The following TAT variants were observed in gnomAD, a reference collection of about 807,000 sequenced individuals.
The protein encoded by TAT is L-tyrosine:2-oxoglutarate aminotransferase.
TAT carries 35 observed loss-of-function variants against 53.6 expected under a neutral mutation model. The observed-to-expected ratio is 0.65, with a 90% CI of 0.50 to 0.87. The LOEUF is 0.87. Ranked by LOEUF, TAT falls within the 40% of genes least tolerant of loss-of-function variation. The pLI, the probability that TAT is intolerant of heterozygous loss-of-function variation, is 0.00. For missense variants in TAT, 525 were observed against 571.8 expected, an observed-to-expected ratio of 0.92 and a Z score of 0.83; for synonymous variants, 197 against 206.5, an observed-to-expected ratio of 0.95 and a Z score of 0.39.
chr16:71,574,368 G>T (rs1388206498), intron 3 of TAT, among the ~76,000 whole-genome samples: 1 of 152,010 alleles, frequency 6.6e-6, no homozygotes, highest in Non-Finnish European at 1.5e-5. Flanking sequence ...ATCACCTGAG[G>T]TCGGGAGATT....
intron 6 of TAT, 170 bp downstream of exon 6, chr16:71,572,016 T>G: frequency 1.2e-6 from 1 of 809,044 alleles, no homozygotes; most frequent in Non-Finnish European, 2.0e-6. Flanking sequence ...TTTTCTTCTT[T>G]TAGGCCAGGC....
chr16:71,567,865 T>C lies in TAT; in HGVS notation c.*279A>G. 1 of 441,274 alleles carries C rather than the reference T, an allele frequency of 2.3e-6. No individual in the cohort carries two copies. The highest frequency in any genetic ancestry group is 4.2e-6 in the Non-Finnish European group (1 of 238,634). 27.3% of individuals were successfully genotyped at this position (441,274 alleles called of 1,614,324 possible). A position where few individuals can be genotyped will look rare whatever the true frequency, so the allele number is the denominator to read the frequency against. On this transcript the variant is annotated 3_prime_UTR_variant, in exon 12 of 12. Transcript: ENST00000355962. ...TGGTAAACTTTGTTCACCTGGTACT[T>C]TCAAGAAAAAAAGAAGGAAATCTTA...
At chr16:71,572,858 A>G (rs2044212456) in intron 4 of TAT, among the ~76,000 whole-genome samples, 170 bp from the exon 5 acceptor site, 1 of 152,246 alleles carries the variant, frequency 6.6e-6, no homozygotes, top group South Asian at 2.1e-4. Flanking sequence ...GTTGATAACT[A>G]TTGTTGAAAT....
At chr16:71,572,955 T>C (rs2044213354) in intron 4 of TAT, among the ~76,000 whole-genome samples, 1 of 152,248 alleles carries the variant, frequency 6.6e-6, no homozygotes, top group African/African-American at 2.4e-5. Flanking sequence ...TTGGACCTTT[T>C]TCGCTTGGTT....
At chr16:71,572,020 G>T in intron 6 of TAT, 166 bp downstream of exon 6, 1 of 836,698 alleles carries the variant, frequency 1.2e-6, no homozygotes, top group Non-Finnish European at 1.9e-6. Context: ...CTTCTTTTAG[G>T]CCAGGCCTAC....
At position 71,568,118 on chromosome 16, in the gene TAT, A is replaced by G. The variant is rs186696190; in HGVS notation, c.*26T>C. On this transcript the variant is annotated 3_prime_UTR_variant, in exon 12 of 12. Coordinates refer to ENST00000355962, the MANE Select transcript of TAT (RefSeq NM_000353.3). Reference sequence around the variant, plus strand: ...TAGTCCAGCCTTCCCTAGATGGGACACATCCTCAGGAGAATGGATGCAGGC... The same window carrying G: ...TAGTCCAGCCTTCCCTAGATGGGACGCATCCTCAGGAGAATGGATGCAGGC... 16 of 1,614,162 alleles carry G rather than the reference A, an allele frequency of 9.9e-6. No homozygotes were observed. The East Asian group carries it at 3.3e-4, about 34-fold the overall frequency.
At position 71,570,264 on chromosome 16, in the gene TAT, C is replaced by A; in HGVS notation, c.1041+5G>T. Reference sequence around the variant, plus strand: ...CCCAAAGTGGAGGGCAGGAGCTGCCCTTACCTTGAGGAAGCTCAGAGTGTT... The same window carrying A: ...CCCAAAGTGGAGGGCAGGAGCTGCCATTACCTTGAGGAAGCTCAGAGTGTT... On this transcript the variant is annotated splice_donor_5th_base_variant and intron_variant, in intron 9 of 11. Coordinates refer to ENST00000355962, the MANE Select transcript of TAT (RefSeq NM_000353.3). 6.2e-7 allele frequency: 1 copy of A among 1,614,164 alleles called. No homozygotes were observed. The highest frequency in any genetic ancestry group is 1.1e-5 in the South Asian group (1 of 91,074).
chr16:71,576,020 G>A lies in TAT; in HGVS notation c.242C>T (p.Pro81Leu). The A allele has an allele frequency of 1.2e-6, 2 of 1,614,076 alleles. No individual in the cohort carries two copies. Among genetic ancestry groups the A allele is most frequent in the Non-Finnish European group, 1.7e-6 (2 of 1,180,000 alleles). Reference sequence around the variant, plus strand: ...TGTAGGCAGGTTTCCAAACACAGTAGGGTCCCCTTTTTATGGGAGGAAAAC... The same window carrying A: ...TGTAGGCAGGTTTCCAAACACAGTAAGGTCCCCTTTTTATGGGAGGAAAAC... ...KTMISLSIGDPTVFGNLPTDP... is the reference protein window; with the variant it reads ...KTMISLSIGDLTVFGNLPTDP... Residue 81 changes from proline to leucine, a missense_variant, in exon 3 of 12, where the codon CCT (proline) becomes CTT (leucine). Coordinates refer to ENST00000355962, the MANE Select transcript of TAT (RefSeq NM_000353.3).
At chr16:71,573,857 T>G (rs564221087) in intron 3 of TAT, among the ~76,000 whole-genome samples, 44 of 152,194 alleles carry the variant, frequency 2.9e-4, no homozygotes, top group Admixed American at 2.5e-3. Flanking sequence ...TTGTTTGTTT[T>G]TTTTGTAGAG....
rs1260684316 is a variant in TAT at position 71,567,887 on chromosome 16, C to G, written c.*257G>C. 1.2e-5 allele frequency: 6 copies of G among 490,852 alleles called. No individual in the cohort carries two copies. The highest frequency in any genetic ancestry group is 1.9e-5 in the African/African-American group (1 of 51,532). 30.4% of individuals were successfully genotyped at this position (490,852 alleles called of 1,614,324 possible). ...ACTTTCAAGAAAAAAAGAAGGAAAT[C>G]TTACGAGAGGGAGGCAGATTAATGA... On this transcript the variant is annotated 3_prime_UTR_variant, in exon 12 of 12. Coordinates refer to ENST00000355962, the MANE Select transcript of TAT (RefSeq NM_000353.3).
Position 71,566,064 on chromosome 16 carries a change from C to T in TAT, c.*2080G>A, listed in dbSNP as rs1013955423. On this transcript the variant is annotated 3_prime_UTR_variant, in exon 12 of 12. Coordinates refer to ENST00000355962, the MANE Select transcript of TAT (RefSeq NM_000353.3). ...ATTTCTGGTTAGAGATCTTTGGGGG[C>T]TTGGATGGAGGAACAGGAAAAGAGG... The T allele has an allele frequency of 6.6e-6, 1 of 151,992 alleles. No individual in the cohort carries two copies. The highest frequency in any genetic ancestry group is 2.4e-5 in the African/African-American group (1 of 41,364). The allele number at this position is 151,992 out of a possible 1,614,324, so 9.4% of individuals were successfully genotyped here.
Position 71,576,348 on chromosome 16 carries a change from T to C in TAT, c.68A>G (p.Asn23Ser). The C allele has an allele frequency of 1.2e-6, 2 of 1,614,216 alleles. No homozygotes were observed. Among genetic ancestry groups the C allele is most frequent in the Non-Finnish European group, 1.7e-6 (2 of 1,180,048 alleles). Residue 23 changes from asparagine to serine, a missense_variant, in exon 2 of 12, where the codon AAC (asparagine) becomes AGC (serine). Asn to Ser is a conservative substitution (Grantham distance 46). Coordinates refer to ENST00000355962, the MANE Select transcript of TAT (RefSeq NM_000353.3). Reference sequence around the variant, plus strand: ...CGGCACAGAGCTTCTCCCACCAACGTTGACATGCACGTCCAGAATTGAGGG... The same window carrying C: ...CGGCACAGAGCTTCTCCCACCAACGCTGACATGCACGTCCAGAATTGAGGG... ...NLPSILDVHV[N>S]VGGRSSVPGK...
intron 9 of TAT, 95 bp downstream of exon 9, chr16:71,570,174 A>C (rs1317786005): frequency 2.5e-6 from 4 of 1,587,530 alleles, no homozygotes; most frequent in Non-Finnish European, 3.4e-6. Context: ...ATATTGGAAC[A>C]TGGCTCCAGA....
At chr16:71,571,516 G>C in intron 7 of TAT, 90 bp downstream of exon 7, 2 of 1,190,388 alleles carry the variant, frequency 1.7e-6, no homozygotes, top group Admixed American at 1.7e-5. Flanking sequence ...GTAATGAAAC[G>C]ATTAGGAGTT....
At chr16:71,569,769 G>A (rs946675333) in intron 10 of TAT, 85 bp downstream of exon 10, 9 of 1,318,552 alleles carry the variant, frequency 6.8e-6, no homozygotes, top group Admixed American at 3.8e-5. Flanking sequence ...TGTACCCTGC[G>A]TGACTGCCTG....
chr16:71,573,498 C>T, intron 4 of TAT, 41 bp downstream of exon 4: 3 of 1,521,102 alleles, frequency 2.0e-6, no homozygotes, highest in Non-Finnish European at 2.7e-6. Flanking sequence ...GGATAGTTTG[C>T]CCTAAATTGC....
intron 6 of TAT, 83 bp downstream of exon 6, chr16:71,572,103 G>A (rs1051125256): frequency 6.3e-7 from 1 of 1,581,654 alleles, no homozygotes; most frequent in African/African-American, 1.3e-5. Context: ...TGGAACTTAG[G>A]GAATGACTGG....
intron 3 of TAT, among the ~76,000 whole-genome samples, chr16:71,574,206 GA>G (rs1286243875): frequency 1.3e-5 from 2 of 152,170 alleles, no homozygotes; most frequent in African/African-American, 4.8e-5. Flanking sequence ...GCACCATCTT[GA>G]TTTCTGTGAT....
At position 71,569,919 on chromosome 16, in the gene TAT, A is replaced by G. The variant is rs1197389002; in HGVS notation, c.1060T>C (p.Tyr354His). ...CCAGGGATGGCAGCCAACGCCCCAT[A>G]ACAGAGATCAGCATTGGACTACAAG... ...SFLKSNADLC[Y>H]GALAAIPGLR... The change falls in exon 10 of 12, where the codon TAT becomes CAT. Residue 354 changes from tyrosine to histidine, a missense_variant. Coordinates refer to ENST00000355962, the MANE Select transcript of TAT (RefSeq NM_000353.3). The G allele has an allele frequency of 1.9e-6, 3 of 1,613,656 alleles. No homozygotes were observed. Among genetic ancestry groups the G allele is most frequent in the Non-Finnish European group, 2.5e-6 (3 of 1,179,886 alleles).
Sources: gnomAD v4.1 joint callset for allele counts (sites outside exome capture counted in the v4.1 genomes callset) on GRCh38, gnomAD v4.1.1 for gene constraint, MANE v1.5 for transcripts, NCBI Gene and HGNC (gene_info 2026-07-23, HGNC 2026-07-21) for gene names.